SAMD5: variants seen among roughly 807,000 people sequenced by gnomAD.
SAMD5 encodes the protein sterile alpha motif domain-containing protein 5.
SAMD5 carries 13 observed loss-of-function variants against 11.3 expected under a neutral mutation model. The observed-to-expected ratio is 1.15, with a 90% CI of 0.75 to 1.83. SAMD5 has a LOEUF of 1.83. SAMD5 is among the 40% of genes most tolerant of loss of function. SAMD5 has a pLI of 0.00. For missense variants in SAMD5, 255 were observed against 239.1 expected (o/e 1.07, Z -0.44); for synonymous variants, 129 against 111.3 (o/e 1.16, Z -1.00).
chr6:147,515,355 G>C (rs1788151787), intron 1 of SAMD5, among the ~76,000 whole-genome samples: 1 of 151,760 alleles, frequency 6.6e-6, no homozygotes, highest in Non-Finnish European at 1.5e-5. Flanking sequence ...TCAGCCAACT[G>C]CCTGTCCACC....
At chr6:147,691,662 C>T (rs573636703) in intron 1 of SAMD5, among the ~76,000 whole-genome samples, 1 of 152,290 alleles carries the variant, frequency 6.6e-6, no homozygotes, top group African/African-American at 2.4e-5. Flanking sequence ...CAGAAAGCCA[C>T]CAAAGCAACT....
intron 1 of SAMD5, among the ~76,000 whole-genome samples, chr6:147,577,718 AAATCTATCCTT>A (rs1018949605): frequency 1.3e-5 from 2 of 152,168 alleles, no homozygotes; most frequent in Non-Finnish European, 2.9e-5. Context: ...GAATGAAAAT[AAATCTATCCTT>A]ACACTTAAAA....
chr6:147,773,176 A>G, the SAMD5 span, among the ~76,000 whole-genome samples: 1 of 152,104 alleles, frequency 6.6e-6, no homozygotes, highest in Non-Finnish European at 1.5e-5. Flanking sequence ...CTGATTTTGC[A>G]TGTGGAAATC....
the SAMD5 span, among the ~76,000 whole-genome samples, chr6:147,852,227 A>AC: frequency 6.6e-6 from 1 of 152,106 alleles, no homozygotes; most frequent in Admixed American, 6.6e-5. Context: ...TGTTTCCATA[A>AC]ATACAGCTGT....
At chr6:147,746,474 T>A in the SAMD5 span, among the ~76,000 whole-genome samples, 1 of 152,334 alleles carries the variant, frequency 6.6e-6, no homozygotes, top group African/African-American at 2.4e-5. Flanking sequence ...TTATGGTACT[T>A]ACTTTCCACT....
intron 1 of SAMD5, among the ~76,000 whole-genome samples, chr6:147,687,632 C>G (rs1412940745): frequency 2.0e-5 from 3 of 152,066 alleles, no homozygotes; most frequent in Non-Finnish European, 4.4e-5. Flanking sequence ...CTGGTCAAGT[C>G]TATTAGTTTT....
intron 1 of SAMD5, among the ~76,000 whole-genome samples, chr6:147,678,729 G>A (rs1420158209): frequency 6.6e-6 from 1 of 152,130 alleles, no homozygotes; most frequent in Non-Finnish European, 1.5e-5. Flanking sequence ...CATGGAAGAG[G>A]GAAGGGTTTT....
chr6:147,745,111 C>T, the SAMD5 span, among the ~76,000 whole-genome samples: 1 of 151,902 alleles, frequency 6.6e-6, no homozygotes, highest in African/African-American at 2.4e-5. Context: ...TTTTTAAAAA[C>T]AAAATTCCTC....
At chr6:147,773,722 C>T in the SAMD5 span, among the ~76,000 whole-genome samples, 1 of 152,144 alleles carries the variant, frequency 6.6e-6, no homozygotes, top group Non-Finnish European at 1.5e-5. Context: ...AAATGCCCCA[C>T]CGCCCAATAG....
intron 1 of SAMD5, among the ~76,000 whole-genome samples, chr6:147,659,818 C>G (rs1403497818): frequency 6.6e-6 from 1 of 152,076 alleles, no homozygotes; most frequent in Non-Finnish European, 1.5e-5. Context: ...GATAGATTTT[C>G]ATAACTTGTA....
the SAMD5 span, among the ~76,000 whole-genome samples, chr6:147,808,856 C>A: frequency 6.6e-6 from 1 of 152,078 alleles, no homozygotes; most frequent in Admixed American, 6.5e-5. Context: ...CAGCGAGGCA[C>A]AATAATCCAT....
At position 147,718,834 on chromosome 6, in the gene SAMD5, G is replaced by A. The variant is rs564129422; in HGVS notation, c.163-18483G>A. 1.7e-4 allele frequency among the ~76,000 whole-genome samples: 26 copies of A among 152,202 alleles called. No individual in the cohort carries two copies. In the South Asian group the frequency reaches 2.7e-3, roughly 16 times the overall value. On this transcript the variant is annotated intron_variant, in intron 1 of 1. Transcript: ENST00000566741. ...GCCTCCCAAGTAGCTGAGACTACAG[G>A]CATGTGCCACCACCCCTGGCTAATT...
the SAMD5 span, among the ~76,000 whole-genome samples, chr6:147,749,265 T>C: frequency 6.6e-6 from 1 of 151,412 alleles, no homozygotes; most frequent in East Asian, 1.9e-4. Context: ...CACCTCCTAG[T>C]TTCAAGCGAT....
At chr6:147,611,353 C>T (rs1252893250) in intron 1 of SAMD5, among the ~76,000 whole-genome samples, 10 of 152,074 alleles carry the variant, frequency 6.6e-5, no homozygotes, top group African/African-American at 2.4e-4. Flanking sequence ...AAGCGGATTA[C>T]CTGAGGCCAG....
chr6:147,939,468 A>G, the SAMD5 span, among the ~76,000 whole-genome samples: 1 of 152,152 alleles, frequency 6.6e-6, no homozygotes, highest in Non-Finnish European at 1.5e-5. Flanking sequence ...GGACCAACCA[A>G]GAGTTGCGTC....
intron 1 of SAMD5, among the ~76,000 whole-genome samples, chr6:147,648,428 T>A (rs1464002304): frequency 6.6e-6 from 1 of 152,130 alleles, no homozygotes; most frequent in Non-Finnish European, 1.5e-5. Flanking sequence ...TATGTGGGTA[T>A]TATGGGGATT....
At chr6:147,561,608 T>A (rs1402906316) in intron 1 of SAMD5, among the ~76,000 whole-genome samples, 1 of 151,742 alleles carries the variant, frequency 6.6e-6, no homozygotes, top group South Asian at 2.1e-4. Flanking sequence ...CTTGGTGGAG[T>A]GAAGAAAGAG....
chr6:147,583,034 A>G (rs1398006028), intron 1 of SAMD5, among the ~76,000 whole-genome samples: 2 of 152,242 alleles, frequency 1.3e-5, no homozygotes, highest in Non-Finnish European at 2.9e-5. Context: ...AAATGAAAAT[A>G]TAAATAAACA....
chr6:147,722,271 C>T (rs1296428394), intron 1 of SAMD5, among the ~76,000 whole-genome samples: 2 of 151,654 alleles, frequency 1.3e-5, no homozygotes, highest in African/African-American at 2.4e-5. Flanking sequence ...AGTATATAGT[C>T]GATTTGTGTT....
Sources: allele counts gnomAD v4.1 joint callset (sites outside exome capture counted in the v4.1 genomes callset), GRCh38; gene constraint gnomAD v4.1.1; transcripts MANE v1.5; gene names NCBI Gene and HGNC (gene_info 2026-07-23, HGNC 2026-07-21).